The following ZNF804B variants were observed in gnomAD, a reference collection of about 807,000 sequenced individuals.
ZNF804B encodes zinc finger protein 804B, also known as zinc finger 804B.
ZNF804B carries 80 observed loss-of-function variants against 101.4 expected under a neutral mutation model. The ratio of observed to expected loss-of-function variants is 0.79; its 90% CI spans 0.66 to 0.95. The LOEUF (loss-of-function observed/expected upper bound fraction) is 0.95. Among genes scored for constraint, ZNF804B ranks in the 40% least tolerant of loss-of-function variants. The pLI, the probability that ZNF804B is intolerant of heterozygous loss-of-function variation, is 0.00. For synonymous variants in ZNF804B, 622 were observed against 558.8 expected (o/e 1.11, Z -1.59); for missense variants, 1,673 against 1,561.9 (o/e 1.07, Z -1.20).
chr7:89,282,691 G>A (rs1371266377), intron 2 of ZNF804B, among the ~76,000 whole-genome samples: 2 of 152,160 alleles, frequency 1.3e-5, no homozygotes, highest in Non-Finnish European at 2.9e-5. Context: ...TGTAAATAAA[G>A]TAAAATATGT....
chr7:89,310,781 G>T (rs1029976781), intron 2 of ZNF804B, among the ~76,000 whole-genome samples: 1 of 152,210 alleles, frequency 6.6e-6, no homozygotes. Flanking sequence ...CAGCTAGATA[G>T]CTAGGTCAGA....
At chr7:89,014,929 C>T (rs751188038) in intron 1 of ZNF804B, among the ~76,000 whole-genome samples, 19 of 152,230 alleles carry the variant, frequency 1.2e-4, no homozygotes, top group South Asian at 4.1e-4. Flanking sequence ...TTTCCCAGAC[C>T]GATGTTCTGA....
At chr7:89,041,891 A>G (rs902906936) in intron 1 of ZNF804B, among the ~76,000 whole-genome samples, 1 of 152,182 alleles carries the variant, frequency 6.6e-6, no homozygotes, top group Non-Finnish European at 1.5e-5. Context: ...TGTTCAAATT[A>G]ATGTTTCTGT....
intron 1 of ZNF804B, among the ~76,000 whole-genome samples, chr7:88,897,114 A>T (rs1006812107): frequency 6.6e-6 from 1 of 152,170 alleles, no homozygotes; most frequent in Non-Finnish European, 1.5e-5. Context: ...ACCACTAAAG[A>T]TATCCATGCA....
intron 1 of ZNF804B, among the ~76,000 whole-genome samples, chr7:88,852,718 T>C (rs1332984933): frequency 6.6e-6 from 1 of 152,118 alleles, no homozygotes; most frequent in Non-Finnish European, 1.5e-5. Flanking sequence ...AATAATCACT[T>C]TGAGGACGGT....
chr7:89,148,152 CA>C (rs1426125322), intron 1 of ZNF804B, among the ~76,000 whole-genome samples: 1 of 151,872 alleles, frequency 6.6e-6, no homozygotes, highest in Non-Finnish European at 1.5e-5. Context: ...TAATCTGAGA[CA>C]AATCTATTAA....
At chr7:89,180,724 C>G (rs961493573) in intron 1 of ZNF804B, among the ~76,000 whole-genome samples, 2 of 151,580 alleles carry the variant, frequency 1.3e-5, no homozygotes, top group Non-Finnish European at 2.9e-5. Flanking sequence ...GTTAGCTGCA[C>G]TGCCTGGGGT....
At chr7:89,266,588 T>G (rs1245915949) in intron 2 of ZNF804B, among the ~76,000 whole-genome samples, 1 of 152,158 alleles carries the variant, frequency 6.6e-6, no homozygotes, top group East Asian at 1.9e-4. Flanking sequence ...CCAAAGTTCC[T>G]CTTGCATGAA....
intron 1 of ZNF804B, among the ~76,000 whole-genome samples, chr7:88,826,401 T>TA (rs1791050753): frequency 6.6e-6 from 1 of 152,166 alleles, no homozygotes; most frequent in South Asian, 2.1e-4. Flanking sequence ...AGCTAATCTC[T>TA]AAAGTGCCTT....
intron 1 of ZNF804B, among the ~76,000 whole-genome samples, chr7:89,211,808 G>A (rs774516232): frequency 6.6e-6 from 1 of 152,122 alleles, no homozygotes; most frequent in Non-Finnish European, 1.5e-5. Context: ...TTTAGCTTAG[G>A]ATTGTCATTG....
intron 1 of ZNF804B, among the ~76,000 whole-genome samples, chr7:88,936,112 T>TAAA (rs201891277): frequency 4.2e-5 from 6 of 141,554 alleles, no homozygotes; most frequent in Admixed American, 1.4e-4. Flanking sequence ...TTTTTTTTTT[T>TAAA]AAAAAAAATA....
intron 1 of ZNF804B, among the ~76,000 whole-genome samples, chr7:88,952,068 A>C (rs1395274348): frequency 6.6e-6 from 1 of 151,962 alleles, no homozygotes; most frequent in East Asian, 2.0e-4. Flanking sequence ...TGTCATTTGG[A>C]GGAGTCCCTG....
At chr7:88,961,222 G>A (rs768990283) in intron 1 of ZNF804B, among the ~76,000 whole-genome samples, 28 of 149,578 alleles carry the variant, frequency 1.9e-4, no homozygotes, top group Admixed American at 5.3e-4. Flanking sequence ...TAATTATGTC[G>A]TGTGTTGTAT....
chr7:88,984,553 G>A (rs558670068), intron 1 of ZNF804B, among the ~76,000 whole-genome samples: 3 of 151,996 alleles, frequency 2.0e-5, no homozygotes, highest in Admixed American at 6.6e-5. Context: ...CTTTGTTTGT[G>A]CCAGACTTCT....
At chr7:89,175,871 T>A (rs933651763) in intron 1 of ZNF804B, among the ~76,000 whole-genome samples, 4 of 152,000 alleles carry the variant, frequency 2.6e-5, no homozygotes, top group Non-Finnish European at 5.9e-5. Flanking sequence ...TTTCATATTG[T>A]TCACATTTAA....
At chr7:88,938,129 G>T (rs1483610847) in intron 1 of ZNF804B, among the ~76,000 whole-genome samples, 1 of 152,004 alleles carries the variant, frequency 6.6e-6, no homozygotes, top group Non-Finnish European at 1.5e-5. Flanking sequence ...GGAGGGGGAG[G>T]TTTCCAGGCT....
intron 1 of ZNF804B, among the ~76,000 whole-genome samples, chr7:88,887,282 G>T (rs56247793): frequency 1.2e-5 from 1 of 86,818 alleles, no homozygotes; most frequent in Non-Finnish European, 2.1e-5. Context: ...TTTTAATGGG[G>T]TTGTTTTTCT....
intron 2 of ZNF804B, among the ~76,000 whole-genome samples, chr7:89,260,693 C>CA (rs58545318): frequency 0.013 from 1,955 of 152,234 alleles, 49 homozygotes; most frequent in African/African-American, 0.045. Flanking sequence ...AAGTATTTCA[C>CA]AAAAACAGTA....
chr7:88,771,115 C>A (rs1790055027), intron 1 of ZNF804B, among the ~76,000 whole-genome samples: 1 of 152,114 alleles, frequency 6.6e-6, no homozygotes, highest in Non-Finnish European at 1.5e-5. Flanking sequence ...ATACCATCTA[C>A]ATCCTGTATC....
Sources: gnomAD v4.1 joint callset for allele counts (sites outside exome capture counted in the v4.1 genomes callset) on GRCh38, gnomAD v4.1.1 for gene constraint, MANE v1.5 for transcripts, NCBI Gene and HGNC (gene_info 2026-07-23, HGNC 2026-07-21) for gene names.